TTYH3: variants seen among roughly 807,000 people sequenced by gnomAD.
The protein encoded by TTYH3 is tweety family member 3, also known as protein tweety homolog 3.
Under a neutral mutation model 68.2 loss-of-function variants are expected in TTYH3, and 23 were observed. The ratio of observed to expected loss-of-function variants is 0.34; its 90% CI spans 0.24 to 0.48. The LOEUF (loss-of-function observed/expected upper bound fraction) is 0.48. Ranked by LOEUF, TTYH3 falls within the 20% of genes least tolerant of loss-of-function variation. The probability of loss-of-function intolerance (pLI) is 0.99; values close to 1 mark genes in which losing one functional copy is unlikely to be tolerated. For synonymous variants in TTYH3, 360 were observed against 332.8 expected (o/e 1.08, Z -0.89); for missense variants, 768 against 727.7 (o/e 1.06, Z -0.64).
chr7:2,653,941 C>G (rs1786261974), intron 9 of TTYH3, among the ~76,000 whole-genome samples: 1 of 152,186 alleles, frequency 6.6e-6, no homozygotes, highest in Admixed American at 6.5e-5. Flanking sequence ...GGTGTTTGGT[C>G]CACCCGTGGG....
At chr7:2,657,471 C>T (rs550352873) in intron 11 of TTYH3, among the ~76,000 whole-genome samples, 2 of 149,882 alleles carry the variant, frequency 1.3e-5, no homozygotes, top group Admixed American at 1.3e-4. Context: ...ATGGTGATGG[C>T]ATTGGTGATG....
rs763099822 is a variant in TTYH3, at chr7:2,647,471, C to T, written c.459C>T (p.Thr153=). Residue 153 remains threonine, a synonymous_variant, in exon 4 of 14, where the codon ACC becomes ACT. Coordinates refer to ENST00000258796, the MANE Select transcript of TTYH3 (RefSeq NM_025250.3). ...LNHTAEPSLQ[T]LERQLAGRPE... is the part of the protein sequence containing the mutation. ...ACACGGCGGAGCCCAGCCTGCAGAC[C>T]CTGGAGCGGCAGCTGGCCGGGCGGC... 48 of 1,534,538 alleles carry T rather than the reference C, an allele frequency of 3.1e-5. No homozygotes were observed. Among genetic ancestry groups the T allele is most frequent in the Non-Finnish European group, 4.0e-5 (46 of 1,144,352 alleles).
intron 8 of TTYH3, 58 bp from the exon 9 acceptor site, chr7:2,652,860 G>T: frequency 7.0e-7 from 1 of 1,434,310 alleles, no homozygotes; most frequent in South Asian, 1.2e-5. Context: ...GGGTCCTGGG[G>T]AGGGAGAGGC....
At chr7:2,642,000 A>C (rs1217479265) in intron 1 of TTYH3, among the ~76,000 whole-genome samples, 1 of 152,206 alleles carries the variant, frequency 6.6e-6, no homozygotes. Context: ...GGGGAAGCCA[A>C]GTGAGGCTGT....
At chr7:2,655,232 C>G (rs188326358) in intron 9 of TTYH3, among the ~76,000 whole-genome samples, 1 of 152,158 alleles carries the variant, frequency 6.6e-6, no homozygotes, top group Non-Finnish European at 1.5e-5. Context: ...CGGCAAACTT[C>G]GCCTCCCGGC....
chr7:2,648,709 C>T (rs528896986), intron 5 of TTYH3, among the ~76,000 whole-genome samples: 8 of 151,868 alleles, frequency 5.3e-5, no homozygotes, highest in Non-Finnish European at 1.2e-4. Flanking sequence ...GTGATAGCAC[C>T]CTGGAGAGGA....
intron 9 of TTYH3, among the ~76,000 whole-genome samples, chr7:2,653,484 G>A (rs981550961): frequency 5.3e-5 from 8 of 152,236 alleles, no homozygotes; most frequent in Non-Finnish European, 1.2e-4. Context: ...GAGTGCCCTG[G>A]GGGCATTGTG....
intron 13 of TTYH3, among the ~76,000 whole-genome samples, chr7:2,661,164 C>T (rs1162811510): frequency 6.6e-6 from 1 of 152,214 alleles, no homozygotes; most frequent in Non-Finnish European, 1.5e-5. Flanking sequence ...GGGGGATGTC[C>T]TCAGGCTGGG....
At chr7:2,641,796 A>C (rs1004649171) in intron 1 of TTYH3, among the ~76,000 whole-genome samples, 1 of 152,210 alleles carries the variant, frequency 6.6e-6, no homozygotes, top group African/African-American at 2.4e-5. Context: ...CAGGCTGGCC[A>C]CGGCACGCTC....
At chr7:2,643,635 G>A (rs1203707560) in intron 1 of TTYH3, among the ~76,000 whole-genome samples, 3 of 152,204 alleles carry the variant, frequency 2.0e-5, no homozygotes, top group African/African-American at 4.8e-5. Flanking sequence ...GGCTTGCCTC[G>A]CCCAGATCCT....
chr7:2,649,885 C>T (rs771355056), intron 6 of TTYH3, 28 bp from the exon 7 acceptor site: 28 of 1,613,232 alleles, frequency 1.7e-5, no homozygotes, highest in Non-Finnish European at 2.4e-5. Flanking sequence ...CTTGGTCAAC[C>T]CCTCTTGCTT....
At chr7:2,661,422 C>G (rs1414863717) in intron 13 of TTYH3, among the ~76,000 whole-genome samples, 1 of 152,132 alleles carries the variant, frequency 6.6e-6, no homozygotes, top group Non-Finnish European at 1.5e-5. Context: ...GAGACATCCC[C>G]TGTCCTGAGC....
rs1175628730 is a variant in TTYH3, at chr7:2,658,185, G to A, written c.1251-101G>A. On this transcript the variant is annotated intron_variant, in intron 11 of 13. Transcript: ENST00000258796. Reference sequence around the variant, plus strand: ...TGTGCACACGGCCGAGCCAGAACTGGAACCAGGAGTGTCTGTCTGCACCAG... The same window carrying A: ...TGTGCACACGGCCGAGCCAGAACTGAAACCAGGAGTGTCTGTCTGCACCAG... 1.4e-5 allele frequency: 18 copies of A among 1,262,476 alleles called. No individual in the cohort carries two copies. The East Asian group carries it at 4.1e-4, about 29-fold the overall frequency. 78.2% of individuals were successfully genotyped at this position (1,262,476 alleles called of 1,614,324 possible).
intron 1 of TTYH3, among the ~76,000 whole-genome samples, chr7:2,640,411 G>GGA (rs988032723): frequency 9.2e-5 from 14 of 152,086 alleles, no homozygotes; most frequent in African/African-American, 2.4e-4. Flanking sequence ...TGTGGGGGGG[G>GGA]ACGTGTGTTC....
At chr7:2,648,973 G>T (rs4998384) in intron 5 of TTYH3, among the ~76,000 whole-genome samples, 1,748 of 99,416 alleles carry the variant, frequency 0.018, 215 homozygotes, top group Admixed American at 0.023. Context: ...GCAGTGGGGT[G>T]TGGGGCCTGC....
At chr7:2,643,562 G>A (rs185710244) in intron 1 of TTYH3, among the ~76,000 whole-genome samples, 11 of 152,308 alleles carry the variant, frequency 7.2e-5, no homozygotes, top group South Asian at 2.1e-4. Context: ...GGGCATGGGC[G>A]TCCCCTGCCC....
At chr7:2,635,170 G>A (rs1583552659) in intron 1 of TTYH3, among the ~76,000 whole-genome samples, 1 of 152,312 alleles carries the variant, frequency 6.6e-6, no homozygotes, top group African/African-American at 2.4e-5. Flanking sequence ...GAGCTGGCAG[G>A]GCTGGGCCTG....
chr7:2,638,932 A>G (rs1184220941), intron 1 of TTYH3, among the ~76,000 whole-genome samples: 3 of 152,018 alleles, frequency 2.0e-5, no homozygotes, highest in African/African-American at 7.2e-5. Flanking sequence ...GGGTGGTGGT[A>G]GTGGCTCGCA....
chr7:2,652,422 T>C (rs1786209646), intron 8 of TTYH3, among the ~76,000 whole-genome samples, 180 bp downstream of exon 8: 1 of 152,176 alleles, frequency 6.6e-6, no homozygotes, highest in Non-Finnish European at 1.5e-5. Context: ...ACCATGCCGG[T>C]GACCTGGTGA....
Sources: gnomAD v4.1 joint callset for allele counts (sites outside exome capture counted in the v4.1 genomes callset) on GRCh38, gnomAD v4.1.1 for gene constraint, MANE v1.5 for transcripts, NCBI Gene and HGNC (gene_info 2026-07-23, HGNC 2026-07-21) for gene names.